Variants in PRDM8 observed in about 807,000 individuals in gnomAD.
PRDM8 encodes the protein PR domain zinc finger protein 8.
PRDM8 carries 13 observed loss-of-function variants against 46.5 expected under a neutral mutation model. The ratio of observed to expected loss-of-function variants is 0.28; its 90% CI spans 0.18 to 0.44. The LOEUF is 0.44. PRDM8 is among the 20% of genes least tolerant of loss of function. PRDM8 has a pLI of 1.00. For missense variants in PRDM8, 998 were observed against 955.0 expected (o/e 1.04, Z -0.59); for synonymous variants, 473 against 438.4 (o/e 1.08, Z -0.98).
rs775372420 is a variant in PRDM8 at position 80,203,049 on chromosome 4, C to G, written c.1587C>G (p.Ala529=). 1.3e-6 allele frequency: 2 copies of G among 1,556,608 alleles called. No homozygotes were observed. The highest frequency in any genetic ancestry group is 1.7e-6 in the Non-Finnish European group (2 of 1,160,958). Residue 529 remains alanine, a synonymous_variant, in exon 4 of 4, where the codon GCC becomes GCG. Coordinates refer to ENST00000415738, the MANE Select transcript of PRDM8 (RefSeq NM_001099403.2). ...KLGALEPCHP[A]DGVGPTRLYP... is the part of the protein sequence containing the mutation. ...GCGCGCTCGAGCCATGCCACCCCGC[C>G]GACGGCGTGGGCCCCACCAGACTCT...
In PRDM8 at chr4:80,202,460, G is replaced by A. The variant is rs1323000516; in HGVS notation, c.998G>A (p.Arg333Gln). ...GGGGAGLVGG[R>Q]GRFVERPLPA... ...GGTGGCGCTGGTCTGGTAGGGGGCC[G>A]GGGCCGCTTCGTAGAGCGGCCCCTC... is the stretch of plus-strand genomic sequence containing the variant. The change falls in exon 4 of 4, where the codon CGG becomes CAG. Residue 333 changes from arginine (R) to glutamine (Q), a missense_variant. Physicochemically the swap from Arg to Gln is conservative, Grantham distance 43. Transcript: ENST00000415738. 1.9e-6 allele frequency: 3 copies of A among 1,543,870 alleles called. No homozygotes were observed. The highest frequency in any genetic ancestry group is 2.6e-6 in the Non-Finnish European group (3 of 1,146,360).
chr4:80,186,929 TA>T (rs1737142361), intron 1 of PRDM8, among the ~76,000 whole-genome samples: 1 of 152,194 alleles, frequency 6.6e-6, no homozygotes, highest in Non-Finnish European at 1.5e-5. Flanking sequence ...GAGCAGCAGT[TA>T]TGGTAGAAGC....
At chr4:80,198,996 T>G (rs10015252) in intron 1 of PRDM8, among the ~76,000 whole-genome samples, 1,794 of 48,888 alleles carry the variant, frequency 0.037, 16 homozygotes, top group Non-Finnish European at 0.064. Flanking sequence ...TTTTTTTTGT[T>G]TTTTTTTTTT....
At chr4:80,187,371 G>T (rs1737197904) in intron 1 of PRDM8, among the ~76,000 whole-genome samples, 1 of 152,028 alleles carries the variant, frequency 6.6e-6, no homozygotes, top group Non-Finnish European at 1.5e-5. Context: ...GAACAGAAAA[G>T]AATGCTAAGA....
chr4:80,203,287 C>T lies in PRDM8; in HGVS notation c.1825C>T (p.Leu609Phe). The T allele has an allele frequency of 1.2e-6, 2 of 1,604,500 alleles. No individual in the cohort carries two copies. The highest frequency in any genetic ancestry group is 1.1e-5 in the South Asian group (1 of 89,650). The change falls in exon 4 of 4, where the codon CTC becomes TTC. Residue 609 changes from leucine to phenylalanine, a missense_variant. By Grantham distance (22) the Leu-to-Phe change is conservative. Coordinates refer to ENST00000415738, the MANE Select transcript of PRDM8 (RefSeq NM_001099403.2). Reference sequence around the variant, plus strand: ...CTTGCAGCTGCAGCTGCCCTCGGCGCTCACGCTGCTGCCGCCCTCCTTCAC... The same window carrying T: ...CTTGCAGCTGCAGCTGCCCTCGGCGTTCACGCTGCTGCCGCCCTCCTTCAC... ...GPLQLQLPSA[L>F]TLLPPSFTSL...
chr4:80,196,572 G>T (rs979995822), upstream of PRDM8: 3 of 985,274 alleles, frequency 3.0e-6, no homozygotes. Flanking sequence ...CCACCCGCTG[G>T]ATGTGAAAAG....
upstream of PRDM8, chr4:80,196,469 T>G: frequency 2.0e-6 from 2 of 985,452 alleles, no homozygotes; most frequent in Non-Finnish European, 2.4e-6. Flanking sequence ...TAGCATCAGC[T>G]GCTGCACTAA....
Position 80,202,590 on chromosome 4 carries a change from C to G in PRDM8, c.1128C>G (p.Pro376=). The part of the protein sequence containing the change: ...ENGRLFAPPS[P]ETGEAKRSAF... ...GCCGCCTCTTCGCGCCGCCAAGTCC[C>G]GAGACGGGCGAGGCGAAGCGCAGCG... is the stretch of plus-strand genomic sequence containing the variant. Residue 376 remains proline (P), a synonymous_variant, in exon 4 of 4, where the codon CCC becomes CCG. Coordinates refer to ENST00000415738, the MANE Select transcript of PRDM8 (RefSeq NM_001099403.2). 1 of 1,533,340 alleles carries G rather than the reference C, an allele frequency of 6.5e-7. No homozygotes were observed. The highest frequency in any genetic ancestry group is 8.7e-7 in the Non-Finnish European group (1 of 1,145,904). 95.0% of individuals were successfully genotyped at this position (1,533,340 alleles called of 1,614,324 possible).
chr4:80,188,892 G>C (rs1737327460), intron 1 of PRDM8, among the ~76,000 whole-genome samples: 1 of 152,254 alleles, frequency 6.6e-6, no homozygotes, highest in African/African-American at 2.4e-5. Context: ...CAGCGTGCGG[G>C]CGCTGGGACA....
At chr4:80,200,854 T>C (rs1738388914) in intron 2 of PRDM8, among the ~76,000 whole-genome samples, 1 of 152,228 alleles carries the variant, frequency 6.6e-6, no homozygotes, top group South Asian at 2.1e-4. Context: ...AGAAAATCTA[T>C]TAATTGTTCT....
At chr4:80,198,402 A>G (rs1738133607) in intron 1 of PRDM8, among the ~76,000 whole-genome samples, 1 of 152,258 alleles carries the variant, frequency 6.6e-6, no homozygotes, top group Non-Finnish European at 1.5e-5. Context: ...GCTGAATTGA[A>G]GGAAATTGAA....
At chr4:80,192,187 G>A (rs145745545) in intron 2 of PRDM8, among the ~76,000 whole-genome samples, 13 of 152,230 alleles carry the variant, frequency 8.5e-5, no homozygotes, top group African/African-American at 2.9e-4. Context: ...CCAGCAGCCC[G>A]AATTCTTACA....
At position 80,202,022 on chromosome 4, in the gene PRDM8, T is replaced by C. The variant is rs1191905970; in HGVS notation, c.560T>C (p.Ile187Thr). Residue 187 changes from isoleucine (I) to threonine (T), a missense_variant, in exon 4 of 4, where the codon ATA (isoleucine) becomes ACA (threonine). By Grantham distance (89) the Ile-to-Thr change is moderately conservative. Coordinates refer to ENST00000415738, the MANE Select transcript of PRDM8 (RefSeq NM_001099403.2). ...CCCAAGAGACTTCACAGCGCTGATA[T>C]AAGTCCCCAAGACGAACAAGGCGGC... Reference protein sequence around the residue: ...RCPKRLHSADISPQDEQGGGV... With the variant: ...RCPKRLHSADTSPQDEQGGGV... The C allele has an allele frequency of 3.1e-6, 5 of 1,614,068 alleles. No homozygotes were observed. The East Asian group carries it at 6.7e-5, about 22-fold the overall frequency.
intron 1 of PRDM8, among the ~76,000 whole-genome samples, chr4:80,199,697 A>G (rs1329646272): frequency 1.1e-4 from 14 of 130,192 alleles, no homozygotes; most frequent in Non-Finnish European, 1.6e-4. Context: ...ATATATATGT[A>G]TATATATATA....
chr4:80,187,387 C>T (rs1737198568), intron 1 of PRDM8, among the ~76,000 whole-genome samples: 1 of 151,998 alleles, frequency 6.6e-6, no homozygotes, highest in African/African-American at 2.4e-5. Context: ...TAAGAGCTCC[C>T]ATTTGAAGTC....
chr4:80,202,729 T>A lies in PRDM8; in HGVS notation c.1267T>A (p.Ser423Thr). 7.7e-7 allele frequency: 1 copy of A among 1,296,688 alleles called. No homozygotes were observed. The highest frequency in any genetic ancestry group is 9.7e-7 in the Non-Finnish European group (1 of 1,028,216). 80.3% of individuals were successfully genotyped at this position (1,296,688 alleles called of 1,614,324 possible). ...DQDAGGGGGS[S>T]TPAAASPVGA... is the part of the protein sequence containing the mutation. ...GGACGCTGGCGGCGGCGGCGGCTCC[T>A]CCACGCCCGCGGCCGCGTCACCGGT... The change falls in exon 4 of 4, where the codon TCC (serine) becomes ACC (threonine). Residue 423 changes from serine (S) to threonine (T), a missense_variant. By Grantham distance (58) the Ser-to-Thr change is moderately conservative. Transcript: ENST00000415738.
rs1349015776 is a variant in PRDM8, at chr4:80,202,138, A to G, written c.676A>G (p.Lys226Glu). Residue 226 changes from lysine (K) to glutamate (E), a missense_variant, in exon 4 of 4, where the codon AAG (lysine) becomes GAG (glutamate). By Grantham distance (56) the Lys-to-Glu change is moderately conservative (BLOSUM62 1). Transcript: ENST00000415738. ...GGAGGCACCTTTAGGCCCGGGTCCCAAGTTTTGCAAAGCCGGCCCCCTCCA... is the reference window on the plus strand; with the variant it reads ...GGAGGCACCTTTAGGCCCGGGTCCCGAGTTTTGCAAAGCCGGCCCCCTCCA... ...QQEAPLGPGP[K>E]FCKAGPLHHY... is the part of the protein sequence containing the mutation. 3 of 1,609,412 alleles carry G rather than the reference A, an allele frequency of 1.9e-6. No individual in the cohort carries two copies. The South Asian group carries it at 3.3e-5, about 18-fold the overall frequency.
At chr4:80,188,048 AG>A (rs1737255571) in intron 1 of PRDM8, among the ~76,000 whole-genome samples, 1 of 152,234 alleles carries the variant, frequency 6.6e-6, no homozygotes, top group Admixed American at 6.5e-5. Flanking sequence ...AAAGGCCAGG[AG>A]GACCCGCATT....
chr4:80,202,363 A>C lies in PRDM8; in HGVS notation c.901A>C (p.Ser301Arg). Residue 301 changes from serine to arginine, a missense_variant, in exon 4 of 4, where the codon AGT becomes CGT. Transcript: ENST00000415738. ...GGGGHQEAEL[S>R]PDGIATGGGK... ...CGGCGGCCACCAGGAGGCGGAGCTG[A>C]GTCCCGACGGCATCGCCACGGGCGG... 1 of 1,594,776 alleles carries C rather than the reference A, an allele frequency of 6.3e-7. No individual in the cohort carries two copies. The highest frequency in any genetic ancestry group is 8.5e-7 in the Non-Finnish European group (1 of 1,170,894).
Sources: allele counts gnomAD v4.1 joint callset (sites outside exome capture counted in the v4.1 genomes callset), GRCh38; gene constraint gnomAD v4.1.1; transcripts MANE v1.5; gene names NCBI Gene and HGNC (gene_info 2026-07-23, HGNC 2026-07-21).